The following OR7C1 variants were observed in gnomAD, a reference collection of about 807,000 sequenced individuals.
The protein encoded by OR7C1 is olfactory receptor 7C1.
For missense variants in OR7C1, 324 were observed against 383.3 expected, an observed-to-expected ratio of 0.85 and a Z score of 1.29; for synonymous variants, 152 against 160.7, an observed-to-expected ratio of 0.95 and a Z score of 0.41.
At chr19:14,823,307 G>A (rs547649390) in intron 1 of OR7C1, among the ~76,000 whole-genome samples, 1 of 152,052 alleles carries the variant, frequency 6.6e-6, no homozygotes, top group East Asian at 1.9e-4. Context: ...AAAAAATTAG[G>A]TGGGCGTGGT....
chr19:14,799,697 C>T, exon 5 of OR7C1: 1 of 1,613,976 alleles, frequency 6.2e-7, no homozygotes, highest in Non-Finnish European at 8.5e-7. Flanking sequence ...GCACCAGGAC[C>T]CCAGAACCAG....
intron 1 of OR7C1, among the ~76,000 whole-genome samples, chr19:14,811,815 T>C (rs2044692150): frequency 6.6e-6 from 1 of 151,966 alleles, no homozygotes; most frequent in Non-Finnish European, 1.5e-5. Flanking sequence ...TGTCAGACTA[T>C]CCACCATACT....
intron 2 of OR7C1, among the ~76,000 whole-genome samples, chr19:14,807,927 G>A (rs2044673281): frequency 6.6e-6 from 1 of 151,348 alleles, no homozygotes; most frequent in African/African-American, 2.4e-5. Context: ...GTCTTTAGAA[G>A]CAGTCAACAA....
At chr19:14,815,136 C>T (rs1002023770) in intron 1 of OR7C1, among the ~76,000 whole-genome samples, 2 of 152,192 alleles carry the variant, frequency 1.3e-5, no homozygotes, top group Admixed American at 1.3e-4. Flanking sequence ...GCCCCTATTC[C>T]AGCAGCCATA....
At chr19:14,825,076 A>C (rs2044758918) in intron 1 of OR7C1, 1 of 152,166 alleles carries the variant, frequency 6.6e-6, no homozygotes, top group African/African-American at 2.4e-5. Context: ...TAAAAATATG[A>C]ACAAGTGAGC....
At position 14,821,107 on chromosome 19, in the gene OR7C1, A is replaced by G. The variant is rs531539074; in HGVS notation, c.-622-11114T>C. Among the ~76,000 whole-genome samples the G allele has an allele frequency of 5.1e-3, 771 of 152,212 alleles. 6 individuals carry two copies. The highest frequency in any genetic ancestry group is 8.4e-3 in the Non-Finnish European group (568 of 67,964). On this transcript the variant is annotated intron_variant, in intron 1 of 4. Transcript: ENST00000641666. Reference sequence around the variant, plus strand: ...ACAAAAATTAGCTGGGTGTAGTGGCAGGTGCCTGTAATCCCAGCTACTTGG... The same window carrying G: ...ACAAAAATTAGCTGGGTGTAGTGGCGGGTGCCTGTAATCCCAGCTACTTGG...
intron 1 of OR7C1, chr19:14,826,856 CAGG>C (rs1367153036): frequency 1.9e-5 from 3 of 155,440 alleles, no homozygotes; most frequent in African/African-American, 7.2e-5. Context: ...TCTACATTAT[CAGG>C]AGGAGCATTG....
chr19:14,833,995 C>CCGGGTACTCTAATTTTGGTGACAG (rs1555696582), intron 1 of OR7C1, among the ~76,000 whole-genome samples: 3 of 152,146 alleles, frequency 2.0e-5, no homozygotes, highest in South Asian at 2.1e-4. Flanking sequence ...CGTGGTGGCA[C>CCGGGTACTCTAATTTTGGTGACAG]ACGTCTGCAA....
chr19:14,802,866 C>T (rs1219449544), intron 2 of OR7C1, among the ~76,000 whole-genome samples: 1 of 151,940 alleles, frequency 6.6e-6, no homozygotes, highest in Non-Finnish European at 1.5e-5. Context: ...ACGCAGACAC[C>T]CAAAAAGTGG....
chr19:14,833,692 G>T (rs1198242448), intron 1 of OR7C1, among the ~76,000 whole-genome samples: 1 of 152,012 alleles, frequency 6.6e-6, no homozygotes, highest in Non-Finnish European at 1.5e-5. Context: ...TTAAACGCTG[G>T]TAACTGTATA....
intron 2 of OR7C1, among the ~76,000 whole-genome samples, chr19:14,807,747 T>A (rs1305535269): frequency 6.6e-6 from 1 of 151,644 alleles, no homozygotes; most frequent in Admixed American, 6.6e-5. Context: ...ATACAAAAAT[T>A]CAGCTGGGCA....
intron 1 of OR7C1, among the ~76,000 whole-genome samples, chr19:14,818,315 C>T (rs2044725922): frequency 6.6e-6 from 1 of 151,974 alleles, no homozygotes; most frequent in Non-Finnish European, 1.5e-5. Context: ...AGGATGGTCT[C>T]GATCTCCTGA....
At chr19:14,810,546 A>ATT (rs71168507) in intron 1 of OR7C1, among the ~76,000 whole-genome samples, 345 of 137,242 alleles carry the variant, frequency 2.5e-3, no homozygotes, top group South Asian at 8.8e-3. Flanking sequence ...TGCCCGGCTA[A>ATT]TTTTTTTTTT....
chr19:14,801,852 T>C (rs2044643538), intron 2 of OR7C1, among the ~76,000 whole-genome samples: 1 of 152,156 alleles, frequency 6.6e-6, no homozygotes, highest in Non-Finnish European at 1.5e-5. Context: ...CCAGATTTCA[T>C]GAGAATCCCA....
chr19:14,806,093 G>A (rs1031521066), intron 2 of OR7C1, among the ~76,000 whole-genome samples: 1 of 151,890 alleles, frequency 6.6e-6, no homozygotes, highest in African/African-American at 2.4e-5. Context: ...GTCACTCAAT[G>A]AGATGTGCTT....
chr19:14,820,323 T>C (rs1414323289), intron 1 of OR7C1, among the ~76,000 whole-genome samples: 2 of 147,142 alleles, frequency 1.4e-5, no homozygotes, highest in Admixed American at 1.4e-4. Context: ...AATAAGTTCT[T>C]AATTTAAAAA....
chr19:14,816,185 C>A (rs1424206917), intron 1 of OR7C1, among the ~76,000 whole-genome samples: 1 of 152,076 alleles, frequency 6.6e-6, no homozygotes, highest in Non-Finnish European at 1.5e-5. Flanking sequence ...GTGTATATAT[C>A]TACTATATAC....
chr19:14,828,985 C>A (rs1000751571), intron 1 of OR7C1, among the ~76,000 whole-genome samples: 7 of 151,850 alleles, frequency 4.6e-5, no homozygotes, highest in African/African-American at 1.7e-4. Flanking sequence ...TGGGAACAGG[C>A]GCTTGGAAAA....
At chr19:14,827,847 T>C (rs746633855) in intron 1 of OR7C1, 1 of 1,614,134 alleles carries the variant, frequency 6.2e-7, no homozygotes, top group East Asian at 2.2e-5. Context: ...AATGACCATG[T>C]AGTGCAGGGG....
Sources: allele counts gnomAD v4.1 joint callset (sites outside exome capture counted in the v4.1 genomes callset), GRCh38; gene constraint gnomAD v4.1.1; transcripts MANE v1.5; gene names NCBI Gene and HGNC (gene_info 2026-07-23, HGNC 2026-07-21).